PRH1: variants seen among roughly 807,000 people sequenced by gnomAD.
PRH1 encodes salivary acidic proline-rich phosphoprotein 1/2.
In PRH1, 7 loss-of-function variants were observed where a neutral mutation model predicts 7.9. The ratio of observed to expected loss-of-function variants is 0.89; its 90% CI spans 0.50 to 1.67. PRH1 has a LOEUF of 1.67. Among genes scored for constraint, PRH1 ranks in the 40% most tolerant of loss-of-function variants. PRH1 has a pLI of 0.00. For synonymous variants in PRH1, 45 were observed against 80.8 expected (o/e 0.56, Z 2.38); for missense variants, 109 against 223.6 (o/e 0.49, Z 3.27).
rs528479726 is a variant in PRH1 at position 10,882,803 on chromosome 12, C to G, written c.101-105G>C. On this transcript the variant is annotated intron_variant, in intron 2 of 3. Coordinates refer to ENST00000543626, the MANE Select transcript of PRH1 (RefSeq NM_001393989.1). Reference sequence around the variant, plus strand: ...GGCCGGCCCCTCTCTGCCTGACCTGCCTCTCAACTCCCAACCTCCCCCCTT... The same window carrying G: ...GGCCGGCCCCTCTCTGCCTGACCTGGCTCTCAACTCCCAACCTCCCCCCTT... The G allele has an allele frequency of 7.1e-6, 11 of 1,542,658 alleles. No homozygotes were observed. In the East Asian group the frequency reaches 2.3e-4, roughly 32 times the overall value.
In PRH1 at chr12:11,149,407, G is replaced by A. The variant is rs565352810; in HGVS notation, n.39+22015C>T. On this transcript the variant is annotated intron_variant and non_coding_transcript_variant, in intron 1 of 1. Transcript: ENST00000541175. Reference sequence around the variant, plus strand: ...CAAAGCTGGAGGCATCACGCTACCTGACTTCAAACTATACTACAAGGCTAC... The same window carrying A: ...CAAAGCTGGAGGCATCACGCTACCTAACTTCAAACTATACTACAAGGCTAC... 1.2e-4 allele frequency among the ~76,000 whole-genome samples: 18 copies of A among 152,178 alleles called. No homozygotes were observed. In the South Asian group the frequency reaches 3.7e-3, roughly 32 times the overall value.
downstream of PRH1, among the ~76,000 whole-genome samples, chr12:11,119,593 T>A (rs7313683): frequency 2.0e-5 from 3 of 151,970 alleles, no homozygotes; most frequent in South Asian, 2.1e-4. Context: ...AAGAAATTCC[T>A]AAACTTCCCA....
At chr12:11,058,144 G>C (rs1943441987) in intron 1 of PRH1, among the ~76,000 whole-genome samples, 1 of 152,140 alleles carries the variant, frequency 6.6e-6, no homozygotes, top group African/African-American at 2.4e-5. Context: ...GCTGAGGAGG[G>C]AGAATCAACT....
intron 1 of PRH1, among the ~76,000 whole-genome samples, chr12:11,002,403 G>C (rs1312835259): frequency 6.6e-5 from 10 of 151,998 alleles, no homozygotes; most frequent in Non-Finnish European, 1.3e-4. Context: ...TTAAGAATAA[G>C]TTAAAACCAA....
At chr12:10,889,603 A>G (rs1949542118) in intron 2 of PRH1, among the ~76,000 whole-genome samples, 1 of 152,130 alleles carries the variant, frequency 6.6e-6, no homozygotes, top group African/African-American at 2.4e-5. Context: ...GTCCTTTTTC[A>G]ACATCAACCT....
chr12:11,166,154 G>A (rs911737702), intron 1 of PRH1: 4 of 152,296 alleles, frequency 2.6e-5, no homozygotes, highest in African/African-American at 9.6e-5. Flanking sequence ...GTCAGCATGG[G>A]AGTCCAAGTC....
intron 1 of PRH1, among the ~76,000 whole-genome samples, chr12:11,160,900 T>C (rs1256783667): frequency 6.6e-6 from 1 of 152,252 alleles, no homozygotes; most frequent in African/African-American, 2.4e-5. Context: ...GGAACTTTTT[T>C]GTTTCACATT....
intron 1 of PRH1, among the ~76,000 whole-genome samples, chr12:11,110,797 C>T (rs1565663268): frequency 1.3e-5 from 2 of 152,120 alleles, no homozygotes; most frequent in South Asian, 2.1e-4. Flanking sequence ...AAAAATCACA[C>T]ATAACAATAT....
intron 1 of PRH1, among the ~76,000 whole-genome samples, chr12:11,015,887 T>C (rs1376673182): frequency 2.0e-5 from 3 of 152,250 alleles, no homozygotes; most frequent in Non-Finnish European, 4.4e-5. Context: ...CCTTCATAAA[T>C]GCAAATATAA....
At chr12:10,979,801 TA>T (rs1262480152) in intron 1 of PRH1, among the ~76,000 whole-genome samples, 1 of 152,198 alleles carries the variant, frequency 6.6e-6, no homozygotes, top group Non-Finnish European at 1.5e-5. Context: ...ACAGAGTCTA[TA>T]AAATTTGCTG....
At chr12:11,156,864 T>G (rs1592120862) in intron 1 of PRH1, among the ~76,000 whole-genome samples, 1 of 130,816 alleles carries the variant, frequency 7.6e-6, no homozygotes, top group African/African-American at 2.8e-5. Context: ...TTTTTTTTTT[T>G]AGACGCAGGC....
chr12:11,075,352 A>C (rs73062933), intron 1 of PRH1, among the ~76,000 whole-genome samples: 18,940 of 83,326 alleles, frequency 0.23, 782 homozygotes, highest in Non-Finnish European at 0.29. Context: ...ACATTTACAA[A>C]CAGCTTAACC....
At chr12:11,116,918 A>G (rs1469574911), downstream of PRH1, among the ~76,000 whole-genome samples, 1 of 152,056 alleles carries the variant, frequency 6.6e-6, no homozygotes, top group Non-Finnish European at 1.5e-5. Flanking sequence ...TAGAAGGAAA[A>G]TCTCAACATA....
intron 1 of PRH1, among the ~76,000 whole-genome samples, chr12:11,099,802 A>G (rs1945180922): frequency 6.6e-6 from 1 of 152,218 alleles, no homozygotes; most frequent in Non-Finnish European, 1.5e-5. Context: ...ATAACTGATA[A>G]AAGAACTCTG....
intron 1 of PRH1, 31 bp downstream of exon 1, chr12:10,884,123 A>G (rs1949453246): frequency 6.2e-7 from 1 of 1,613,718 alleles, no homozygotes; most frequent in Admixed American, 1.7e-5. Context: ...CCCCAATCAG[A>G]GTCACAATAT....
chr12:10,919,275 T>C (rs1479784573), intron 2 of PRH1, among the ~76,000 whole-genome samples: 1 of 152,214 alleles, frequency 6.6e-6, no homozygotes, highest in Non-Finnish European at 1.5e-5. Context: ...CAAAAAAAGA[T>C]ATTTATAAAC....
At chr12:11,063,538 C>A (rs774915980) in intron 1 of PRH1, among the ~76,000 whole-genome samples, 2 of 151,954 alleles carry the variant, frequency 1.3e-5, no homozygotes, top group Non-Finnish European at 1.5e-5. Flanking sequence ...AGCCATCCAC[C>A]AAACCCAGCT....
intron 1 of PRH1, among the ~76,000 whole-genome samples, chr12:10,974,623 G>GA (rs1481899180): frequency 1.3e-5 from 2 of 150,272 alleles, no homozygotes; most frequent in Non-Finnish European, 3.0e-5. Context: ...GAAGATAAAA[G>GA]AAAAAAAAAG....
At chr12:11,123,444 AGT>A (rs1945985697) in intron 1 of PRH1, among the ~76,000 whole-genome samples, 1 of 152,128 alleles carries the variant, frequency 6.6e-6, no homozygotes, top group African/African-American at 2.4e-5. Context: ...CTTTATCTCC[AGT>A]CTCTTTATTG....
Sources: gnomAD v4.1 joint callset for allele counts (sites outside exome capture counted in the v4.1 genomes callset) on GRCh38, gnomAD v4.1.1 for gene constraint, MANE v1.5 for transcripts, NCBI Gene and HGNC (gene_info 2026-07-23, HGNC 2026-07-21) for gene names.